Variants in ARHGEF26 observed in about 807,000 individuals in gnomAD.
The protein encoded by ARHGEF26 is Rho guanine nucleotide exchange factor 26, also known as Rho guanine nucleotide exchange factor (GEF) 26.
Under a neutral mutation model 89.4 loss-of-function variants are expected in ARHGEF26, and 59 were observed. That is an observed-to-expected ratio of 0.66 (90% CI 0.54 to 0.82). The LOEUF (loss-of-function observed/expected upper bound fraction) is 0.82. Among genes scored for constraint, ARHGEF26 ranks in the 40% least tolerant of loss-of-function variants. The probability of loss-of-function intolerance (pLI) is 0.00; values close to 1 mark genes in which losing one functional copy is unlikely to be tolerated. For synonymous variants in ARHGEF26, 500 were observed against 428.4 expected (o/e 1.17, Z -2.06); for missense variants, 1,234 against 1,085.6 (o/e 1.14, Z -1.92).
intron 9 of ARHGEF26, among the ~76,000 whole-genome samples, chr3:154,211,325 G>A (rs1411985407): frequency 6.6e-6 from 1 of 152,148 alleles, no homozygotes; most frequent in East Asian, 1.9e-4. Flanking sequence ...AGACTGCTGG[G>A]ATAAGTGATT....
At chr3:154,210,507 G>A (rs990059234) in intron 9 of ARHGEF26, among the ~76,000 whole-genome samples, 5 of 151,788 alleles carry the variant, frequency 3.3e-5, no homozygotes, top group African/African-American at 1.2e-4. Context: ...TAGAGACGGG[G>A]TTTCACCATG....
chr3:154,158,985 A>G (rs1378853205), intron 6 of ARHGEF26, among the ~76,000 whole-genome samples: 1 of 152,114 alleles, frequency 6.6e-6, no homozygotes, highest in African/African-American at 2.4e-5. Context: ...GACTGATACT[A>G]TTAGGAAAGA....
chr3:154,143,035 A>C (rs1455684773), intron 4 of ARHGEF26, among the ~76,000 whole-genome samples: 7 of 152,158 alleles, frequency 4.6e-5, no homozygotes, highest in Admixed American at 2.6e-4. Context: ...TATTATTGGC[A>C]CCTTTAAACA....
At chr3:154,187,319 TA>T in intron 6 of ARHGEF26, 1 of 643,854 alleles carries the variant, frequency 1.6e-6, no homozygotes, top group Non-Finnish European at 1.9e-6. Context: ...ATGTTTAGTC[TA>T]AAGTACCTGA....
intron 11 of ARHGEF26, among the ~76,000 whole-genome samples, chr3:154,238,111 TA>T (rs1717239233): frequency 6.6e-6 from 1 of 152,228 alleles, no homozygotes; most frequent in South Asian, 2.1e-4. Context: ...TCTGTGTTGC[TA>T]AAAATTGACT....
intron 4 of ARHGEF26, among the ~76,000 whole-genome samples, chr3:154,148,706 A>G (rs1719831859): frequency 6.6e-6 from 1 of 152,186 alleles, no homozygotes; most frequent in Non-Finnish European, 1.5e-5. Flanking sequence ...AAATCCTGTG[A>G]AATTCCTGCT....
At chr3:154,190,018 T>C (rs1426854384) in intron 7 of ARHGEF26, among the ~76,000 whole-genome samples, 4 of 152,086 alleles carry the variant, frequency 2.6e-5, no homozygotes, top group African/African-American at 9.7e-5. Context: ...ATTTTCAAAA[T>C]AACATTTTTT....
intron 4 of ARHGEF26, among the ~76,000 whole-genome samples, chr3:154,133,465 G>C (rs1718809851): frequency 6.6e-6 from 1 of 151,472 alleles, no homozygotes; most frequent in African/African-American, 2.4e-5. Context: ...AAGAAATAAG[G>C]CTGCACACCT....
intron 12 of ARHGEF26, among the ~76,000 whole-genome samples, chr3:154,245,185 G>A (rs56038139): frequency 6.6e-6 from 1 of 151,988 alleles, no homozygotes; most frequent in East Asian, 1.9e-4. Flanking sequence ...TTATCACCAT[G>A]CTTGGCTAAT....
intron 9 of ARHGEF26, among the ~76,000 whole-genome samples, chr3:154,213,201 T>TAGAGAGAG (rs60158333): frequency 4.4e-5 from 6 of 136,464 alleles, no homozygotes; most frequent in African/African-American, 1.7e-4. Context: ...ACGAGTAACA[T>TAGAGAGAG]AGAGAGAGAG....
intron 10 of ARHGEF26, among the ~76,000 whole-genome samples, chr3:154,224,015 C>CTATTT (rs1559910859): frequency 1.3e-5 from 2 of 151,918 alleles, no homozygotes; most frequent in Non-Finnish European, 2.9e-5. Flanking sequence ...TAGGCACAGA[C>CTATTT]TATTTCAGTA....
chr3:154,209,602 A>T (rs1715238884), intron 9 of ARHGEF26, among the ~76,000 whole-genome samples: 1 of 152,216 alleles, frequency 6.6e-6, no homozygotes, highest in African/African-American at 2.4e-5. Flanking sequence ...TCTCCCAGAT[A>T]CATAGCCTCT....
At chr3:154,244,681 TATC>T (rs1472890275) in intron 12 of ARHGEF26, among the ~76,000 whole-genome samples, 2 of 151,718 alleles carry the variant, frequency 1.3e-5, no homozygotes, top group South Asian at 2.1e-4. Flanking sequence ...AACAAAATAT[TATC>T]AATAACAAAT....
intron 4 of ARHGEF26, among the ~76,000 whole-genome samples, chr3:154,139,342 A>G (rs894576709): frequency 6.6e-6 from 1 of 152,146 alleles, no homozygotes; most frequent in Non-Finnish European, 1.5e-5. Context: ...TTTTAAATAT[A>G]TCATATACTC....
chr3:154,241,933 G>T (rs563098344), intron 12 of ARHGEF26, among the ~76,000 whole-genome samples: 1 of 152,176 alleles, frequency 6.6e-6, no homozygotes, highest in East Asian at 1.9e-4. Context: ...TGGATTTTAC[G>T]AAGAACTGTA....
chr3:154,167,760 T>C (rs1712137416), intron 6 of ARHGEF26, among the ~76,000 whole-genome samples: 1 of 152,218 alleles, frequency 6.6e-6, no homozygotes, highest in South Asian at 2.1e-4. Context: ...TGCCTCTGAA[T>C]GATTTCTAAA....
At chr3:154,158,581 A>T (rs1711505137) in intron 6 of ARHGEF26, among the ~76,000 whole-genome samples, 1 of 152,082 alleles carries the variant, frequency 6.6e-6, no homozygotes, top group African/African-American at 2.4e-5. Context: ...TTCCTGTTTA[A>T]CTGTACCAAC....
chr3:154,239,299 A>AGT (rs142191516), intron 11 of ARHGEF26, among the ~76,000 whole-genome samples: 123 of 64,318 alleles, frequency 1.9e-3, no homozygotes, highest in Non-Finnish European at 2.7e-3. Flanking sequence ...AGAGAGAGAG[A>AGT]GTGTGTGTGT....
rs139802393 is a variant in ARHGEF26 at position 154,198,801 on chromosome 3, C to T, written c.1845+4083C>T. On this transcript the variant is annotated intron_variant, in intron 9 of 14. Transcript: ENST00000465093. ...TACACTGCTCAGGTGATGGGTACAC[C>T]AAAATCTCCTAAATCACCACTAAAG... 5.3e-3 allele frequency among the ~76,000 whole-genome samples: 805 copies of T among 152,180 alleles called. 7 individuals are homozygous for T. The highest frequency in any genetic ancestry group is 0.019 in the African/African-American group (770 of 41,528).
Sources: allele counts gnomAD v4.1 joint callset (sites outside exome capture counted in the v4.1 genomes callset), GRCh38; gene constraint gnomAD v4.1.1; transcripts MANE v1.5; gene names NCBI Gene and HGNC (gene_info 2026-07-23, HGNC 2026-07-21).